The following NRG1 variants were observed in gnomAD, a reference collection of about 807,000 sequenced individuals.
NRG1 encodes neuregulin 1.
In NRG1, 18 loss-of-function variants were observed where a neutral mutation model predicts 63.8. The ratio of observed to expected loss-of-function variants is 0.28; its 90% CI spans 0.19 to 0.42. NRG1 has a LOEUF of 0.42. NRG1 is among the 10% of genes least tolerant of loss of function. The probability of loss-of-function intolerance (pLI) is 1.00; values close to 1 mark genes in which losing one functional copy is unlikely to be tolerated. For synonymous variants in NRG1, 302 were observed against 301.3 expected, an observed-to-expected ratio of 1.00 and a Z score of -0.02; for missense variants, 762 against 814.7, an observed-to-expected ratio of 0.94 and a Z score of 0.79.
intron 1 of NRG1, among the ~76,000 whole-genome samples, chr8:31,989,414 G>A (rs1366933955): frequency 6.6e-6 from 1 of 151,880 alleles, no homozygotes; most frequent in Non-Finnish European, 1.5e-5. Context: ...ATCCTGAGGA[G>A]CAGACCCTTT....
intron 1 of NRG1, among the ~76,000 whole-genome samples, chr8:31,738,450 T>G (rs1306616192): frequency 6.6e-6 from 1 of 152,140 alleles, no homozygotes; most frequent in Non-Finnish European, 1.5e-5. Flanking sequence ...CAATTATAAT[T>G]TCTTATTCTC....
chr8:32,515,110 G>T (rs1829676845), intron 1 of NRG1, among the ~76,000 whole-genome samples: 2 of 152,054 alleles, frequency 1.3e-5, no homozygotes, highest in East Asian at 1.9e-4. Context: ...TTGGTAGAAT[G>T]ATTTATTTTC....
chr8:31,901,023 G>A (rs1200032835), intron 1 of NRG1, among the ~76,000 whole-genome samples: 1 of 152,014 alleles, frequency 6.6e-6, no homozygotes, highest in South Asian at 2.1e-4. Flanking sequence ...AATTTCAAAG[G>A]TTTTAGAAAT....
chr8:31,857,521 C>G (rs1318033309), intron 1 of NRG1, among the ~76,000 whole-genome samples: 1 of 152,188 alleles, frequency 6.6e-6, no homozygotes, highest in African/African-American at 2.4e-5. Flanking sequence ...CTGGCACTCC[C>G]TAGTGAGATG....
At chr8:32,319,478 G>A (rs1443153393) in intron 1 of NRG1, among the ~76,000 whole-genome samples, 1 of 152,154 alleles carries the variant, frequency 6.6e-6, no homozygotes, top group Non-Finnish European at 1.5e-5. Flanking sequence ...AACCTGCAAA[G>A]ATCTAGCAGG....
exon 1 of NRG1, chr8:32,548,710 G>C (rs1224096642): frequency 6.4e-7 from 1 of 1,566,858 alleles, no homozygotes; most frequent in East Asian, 2.3e-5. Context: ...CGCGTAGAGC[G>C]CTCCGTCTCC....
intron 1 of NRG1, among the ~76,000 whole-genome samples, chr8:31,670,150 C>T (rs1806972898): frequency 6.6e-6 from 1 of 152,148 alleles, no homozygotes; most frequent in Non-Finnish European, 1.5e-5. Context: ...AGCCAGCTTT[C>T]ATCTTTTTCT....
intron 1 of NRG1, among the ~76,000 whole-genome samples, chr8:32,346,108 A>T (rs1376989333): frequency 1.4e-5 from 2 of 147,586 alleles, no homozygotes; most frequent in African/African-American, 4.9e-5. Flanking sequence ...TAAATTATAT[A>T]ATATACAAAT....
intron 1 of NRG1, among the ~76,000 whole-genome samples, chr8:32,024,957 C>T (rs1047771866): frequency 6.6e-6 from 1 of 152,094 alleles, no homozygotes; most frequent in Non-Finnish European, 1.5e-5. Flanking sequence ...TCTATGTCTA[C>T]GTATATATTA....
chr8:32,391,837 G>A (rs552165157), intron 1 of NRG1, among the ~76,000 whole-genome samples: 1 of 152,136 alleles, frequency 6.6e-6, no homozygotes, highest in South Asian at 2.1e-4. Flanking sequence ...TCACTAAGTA[G>A]GGGAAAGATC....
intron 1 of NRG1, among the ~76,000 whole-genome samples, chr8:32,070,055 A>G (rs1425513736): frequency 6.6e-6 from 1 of 152,210 alleles, no homozygotes; most frequent in Non-Finnish European, 1.5e-5. Context: ...TTAAGATGTC[A>G]ATAAAAGGTA....
At chr8:32,025,453 G>A (rs1368239688) in intron 1 of NRG1, among the ~76,000 whole-genome samples, 1 of 152,158 alleles carries the variant, frequency 6.6e-6, no homozygotes, top group African/African-American at 2.4e-5. Flanking sequence ...CAGACAGTAA[G>A]ATCATAGTAT....
intron 1 of NRG1, among the ~76,000 whole-genome samples, chr8:32,074,977 A>C (rs571692076): frequency 6.6e-6 from 1 of 152,230 alleles, no homozygotes; most frequent in African/African-American, 2.4e-5. Flanking sequence ...CAAATAGGCT[A>C]CTTTTTTGTG....
intron 1 of NRG1, among the ~76,000 whole-genome samples, chr8:31,703,486 T>C (rs1267740870): frequency 6.6e-6 from 1 of 152,328 alleles, no homozygotes; most frequent in African/African-American, 2.4e-5. Context: ...TCAATTATTC[T>C]GAAAGGACTT....
intron 1 of NRG1, among the ~76,000 whole-genome samples, chr8:32,275,012 G>A (rs1314982141): frequency 2.0e-5 from 3 of 152,034 alleles, no homozygotes; most frequent in African/African-American, 4.8e-5. Context: ...TGGTCTGGGC[G>A]TATCCTGTGA....
chr8:32,092,461 C>CAAAAAAAAAAAAAAAA (rs71208167), intron 1 of NRG1, among the ~76,000 whole-genome samples: 2 of 83,692 alleles, frequency 2.4e-5, no homozygotes, highest in Non-Finnish European at 4.5e-5. Context: ...GACCCTGTCT[C>CAAAAAAAAAAAAAAAA]AAAAAAAAAA....
At chr8:32,081,109 C>T (rs138390341) in intron 1 of NRG1, among the ~76,000 whole-genome samples, 2 of 152,090 alleles carry the variant, frequency 1.3e-5, no homozygotes, top group African/African-American at 4.8e-5. Context: ...AAACACCCTC[C>T]TAGAAATATT....
At chr8:31,975,274 T>A (rs964188140) in intron 1 of NRG1, among the ~76,000 whole-genome samples, 3 of 151,906 alleles carry the variant, frequency 2.0e-5, no homozygotes, top group African/African-American at 7.3e-5. Context: ...AGAGCAGGGG[T>A]GAAGCTCAGA....
intron 1 of NRG1, among the ~76,000 whole-genome samples, chr8:32,052,256 A>G (rs895470300): frequency 1.4e-5 from 2 of 141,604 alleles, no homozygotes; most frequent in East Asian, 2.1e-4. Context: ...AGTTCTTTAC[A>G]TTTTCTTTCC....
Sources: gnomAD v4.1 joint callset for allele counts (sites outside exome capture counted in the v4.1 genomes callset) on GRCh38, gnomAD v4.1.1 for gene constraint, MANE v1.5 for transcripts, NCBI Gene and HGNC (gene_info 2026-07-23, HGNC 2026-07-21) for gene names.